The following PLEKHA7 variants were observed in gnomAD, a reference collection of about 807,000 sequenced individuals.
PLEKHA7 encodes the protein pleckstrin homology domain-containing family A member 7.
PLEKHA7 carries 104 observed loss-of-function variants against 170.0 expected under a neutral mutation model. That is an observed-to-expected ratio of 0.61 (90% CI 0.52 to 0.72). PLEKHA7 has a LOEUF of 0.72. Ranked by LOEUF, PLEKHA7 falls within the 30% of genes least tolerant of loss-of-function variation. The pLI, the probability that PLEKHA7 is intolerant of heterozygous loss-of-function variation, is 0.00. For missense variants in PLEKHA7, 1,615 were observed against 1,671.7 expected, an observed-to-expected ratio of 0.97 and a Z score of 0.59; for synonymous variants, 648 against 660.8, an observed-to-expected ratio of 0.98 and a Z score of 0.30.
chr11:16,859,628 C>T (rs554772494), intron 4 of PLEKHA7, among the ~76,000 whole-genome samples: 1 of 152,228 alleles, frequency 6.6e-6, no homozygotes, highest in African/African-American at 2.4e-5. Context: ...TTACATCCCA[C>T]AGGCATGTTT....
At chr11:16,935,456 T>C (rs1165131514) in intron 3 of PLEKHA7, among the ~76,000 whole-genome samples, 1 of 152,154 alleles carries the variant, frequency 6.6e-6, no homozygotes, top group Non-Finnish European at 1.5e-5. Context: ...CCTTTTCTAG[T>C]GTGGGGAGGG....
intron 8 of PLEKHA7, among the ~76,000 whole-genome samples, chr11:16,841,982 G>T (rs556359146): frequency 6.6e-6 from 1 of 152,298 alleles, no homozygotes; most frequent in African/African-American, 2.4e-5. Flanking sequence ...TTGGGAGTTG[G>T]GAGTGTGCAC....
At chr11:16,806,546 C>T (rs898765930) in intron 13 of PLEKHA7, among the ~76,000 whole-genome samples, 3 of 152,184 alleles carry the variant, frequency 2.0e-5, no homozygotes, top group Non-Finnish European at 2.9e-5. Context: ...TCAGGGCTCA[C>T]GATGGTTGGA....
chr11:16,794,525 G>T lies in PLEKHA7; in HGVS notation c.2708C>A (p.Ser903Tyr), dbSNP rs541641545. 1 of 1,613,778 alleles carries T rather than the reference G, an allele frequency of 6.2e-7. No individual in the cohort carries two copies. The highest frequency in any genetic ancestry group is 1.7e-5 in the Admixed American group (1 of 59,988). Residue 903 changes from serine (S) to tyrosine (Y), a missense_variant, in exon 19 of 27, where the codon TCC becomes TAC. Transcript: ENST00000531066. ...PHPPQLRKVT[S>Y]PLQSPTKAKP... is the part of the protein sequence containing the mutation. ...CGCCTTAGTTGGTGACTGAAGGGGG[G>T]ATGTCACTTTCCTCAGCTGGGGTGG...
intron 3 of PLEKHA7, among the ~76,000 whole-genome samples, chr11:16,906,729 C>T (rs1450235454): frequency 1.4e-5 from 2 of 141,438 alleles, no homozygotes; most frequent in Non-Finnish European, 3.0e-5. Flanking sequence ...GAGATTGCAG[C>T]CTCTGCCCGG....
At chr11:16,784,010 G>A (rs558199150) in intron 24 of PLEKHA7, among the ~76,000 whole-genome samples, 177 bp from the exon 25 acceptor site, 13 of 152,286 alleles carry the variant, frequency 8.5e-5, no homozygotes, top group African/African-American at 3.1e-4. Context: ...ACCTGAGTCC[G>A]ACTCCAAAGC....
intron 4 of PLEKHA7, among the ~76,000 whole-genome samples, chr11:16,861,080 G>C (rs1402418974): frequency 3.3e-5 from 5 of 152,198 alleles, no homozygotes; most frequent in Admixed American, 3.3e-4. Flanking sequence ...TCTCCAGAAA[G>C]CTCAAGGTGC....
chr11:16,892,432 G>GTTTTGTTTTGTTTTATTTTGTTT (rs763934828), intron 3 of PLEKHA7, among the ~76,000 whole-genome samples: 1 of 114,946 alleles, frequency 8.7e-6, no homozygotes, highest in Admixed American at 8.8e-5. Flanking sequence ...GTGTGTGTGT[G>GTTTTGTTTTGTTTTATTTTGTTT]TGTTTTGTTT....
chr11:16,995,957 T>C (rs1864314380), intron 3 of PLEKHA7, among the ~76,000 whole-genome samples: 1 of 152,168 alleles, frequency 6.6e-6, no homozygotes, highest in African/African-American at 2.4e-5. Flanking sequence ...GAATCTGAGC[T>C]AACTGGACAG....
chr11:16,868,754 C>T (rs1854595945), intron 4 of PLEKHA7, among the ~76,000 whole-genome samples: 1 of 152,096 alleles, frequency 6.6e-6, no homozygotes, highest in African/African-American at 2.4e-5. Flanking sequence ...AAAAGTAAGC[C>T]TTAAAAAGGA....
At chr11:16,858,329 C>T (rs1163405275) in intron 4 of PLEKHA7, among the ~76,000 whole-genome samples, 1 of 152,118 alleles carries the variant, frequency 6.6e-6, no homozygotes, top group African/African-American at 2.4e-5. Context: ...TAGTTTAAGC[C>T]AGTTCAACAT....
chr11:16,779,595 T>A (rs1284910125), intron 26 of PLEKHA7, among the ~76,000 whole-genome samples: 1 of 152,118 alleles, frequency 6.6e-6, no homozygotes, highest in Non-Finnish European at 1.5e-5. Context: ...GCTAGAGCAC[T>A]TCCCTATGGC....
intron 4 of PLEKHA7, among the ~76,000 whole-genome samples, chr11:16,860,259 T>C (rs1227870281): frequency 6.6e-6 from 1 of 152,218 alleles, no homozygotes; most frequent in East Asian, 1.9e-4. Flanking sequence ...GCTTCCTGCA[T>C]ATTTGGCACT....
At chr11:16,889,228 C>T (rs866403347) in intron 3 of PLEKHA7, among the ~76,000 whole-genome samples, 3 of 151,636 alleles carry the variant, frequency 2.0e-5, no homozygotes, top group African/African-American at 7.3e-5. Context: ...ATGATCTCCC[C>T]ACCATGTACC....
chr11:16,898,694 C>G (rs1373712210), intron 3 of PLEKHA7, among the ~76,000 whole-genome samples: 1 of 152,154 alleles, frequency 6.6e-6, no homozygotes, highest in Non-Finnish European at 1.5e-5. Flanking sequence ...GTGTTTCTGG[C>G]ATGTGTTGGC....
chr11:16,782,173 C>CA (rs60089285), intron 26 of PLEKHA7, among the ~76,000 whole-genome samples: 31,146 of 151,154 alleles, frequency 0.21, 3,336 homozygotes, highest in Admixed American at 0.31. Flanking sequence ...ACACACACAC[C>CA]CACACACACA....
At chr11:16,812,234 C>T (rs1206763277) in intron 13 of PLEKHA7, among the ~76,000 whole-genome samples, 2 of 152,186 alleles carry the variant, frequency 1.3e-5, no homozygotes, top group Non-Finnish European at 2.9e-5. Flanking sequence ...TGTGGGGAGA[C>T]CCCCTTTCCA....
intron 4 of PLEKHA7, 59 bp from the exon 5 acceptor site, chr11:16,855,973 G>C (rs537908263): frequency 8.3e-5 from 113 of 1,360,848 alleles, no homozygotes; most frequent in African/African-American, 3.9e-4. Context: ...AGGAAGTGCA[G>C]TAAGATCAGT....
At chr11:16,880,912 C>T (rs1165544425) in intron 3 of PLEKHA7, among the ~76,000 whole-genome samples, 1 of 152,174 alleles carries the variant, frequency 6.6e-6, no homozygotes, top group African/African-American at 2.4e-5. Flanking sequence ...TTTTAAGATG[C>T]TGCGGTTCAT....
Sources: gnomAD v4.1 joint callset for allele counts (sites outside exome capture counted in the v4.1 genomes callset) on GRCh38, gnomAD v4.1.1 for gene constraint, MANE v1.5 for transcripts, NCBI Gene and HGNC (gene_info 2026-07-23, HGNC 2026-07-21) for gene names.